The following CUL7 variants were observed in gnomAD, a reference collection of about 807,000 sequenced individuals.
CUL7 encodes the protein cullin 7.
Under a neutral mutation model 177.7 loss-of-function variants are expected in CUL7, and 96 were observed. The observed-to-expected ratio is 0.54, with a 90% CI of 0.46 to 0.64. CUL7 has a LOEUF of 0.64. CUL7 is among the 30% of genes least tolerant of loss of function. The probability of loss-of-function intolerance (pLI) is 0.00; values close to 1 mark genes in which losing one functional copy is unlikely to be tolerated. For missense variants in CUL7, 1,893 were observed against 2,187.9 expected (o/e 0.87, Z 2.69); for synonymous variants, 824 against 890.2 (o/e 0.93, Z 1.32).
At position 43,046,064 on chromosome 6, in the gene CUL7, C is replaced by T. The variant is rs886042208; in HGVS notation, c.2688G>A (p.Glu896=). ...IRQLTLLVAS[E]DSSYMPARVV... is the part of the protein sequence containing the mutation. Reference sequence around the variant, plus strand: ...CTCGGGCCGGCATGTAACTCGAGTCCTCACTAGCCACAAGCAGAGTCAGTT... The same window carrying T: ...CTCGGGCCGGCATGTAACTCGAGTCTTCACTAGCCACAAGCAGAGTCAGTT... The change falls in exon 13 of 26, where the codon GAG becomes GAA. Residue 896 remains glutamate (E), a synonymous_variant. Transcript: ENST00000265348. 1 of 1,614,108 alleles carries T rather than the reference C, an allele frequency of 6.2e-7. No individual in the cohort carries two copies. Among genetic ancestry groups the T allele is most frequent in the African/African-American group, 1.3e-5 (1 of 75,016 alleles).
Position 43,052,818 on chromosome 6 carries a change from G to A in CUL7, c.-8-22C>T. 6.3e-7 allele frequency: 1 copy of A among 1,597,080 alleles called. No individual in the cohort carries two copies. On this transcript the variant is annotated intron_variant, in intron 1 of 25. Transcript: ENST00000265348. The surrounding 1 kb of genome is among the most constrained non-coding windows in gnomAD (Gnocchi z 4.5). Reference sequence around the variant, plus strand: ...GCACCTGGAGCACACAAGGAAAAGAGAACAGACAAGCTAGAGGAAGGAGAG... The same window carrying A: ...GCACCTGGAGCACACAAGGAAAAGAAAACAGACAAGCTAGAGGAAGGAGAG...
chr6:43,053,825 C>G lies in CUL7; in HGVS notation c.-212G>C. On this transcript the variant is annotated 5_prime_UTR_variant, in exon 1 of 26. Transcript: ENST00000265348. This position sits in a 1 kb window ranked among gnomAD's most constrained non-coding sequence, Gnocchi z 4.1. ...GGGGCAGGGTGGGGCCCGGTCCCTGCCAGCGGCTCCGCCAGCCAAAAGCCA... is the reference window on the plus strand; with the variant it reads ...GGGGCAGGGTGGGGCCCGGTCCCTGGCAGCGGCTCCGCCAGCCAAAAGCCA... 3.9e-6 allele frequency: 6 copies of G among 1,532,956 alleles called. No homozygotes were observed. The highest frequency in any genetic ancestry group is 5.2e-6 in the Non-Finnish European group (6 of 1,146,314). The allele number at this position is 1,532,956 out of a possible 1,614,324, so 95.0% of individuals were successfully genotyped here.
At chr6:43,041,991 G>A (rs375886581) in intron 19 of CUL7, among the ~76,000 whole-genome samples, 4 of 126,818 alleles carry the variant, frequency 3.2e-5, no homozygotes, top group Non-Finnish European at 3.2e-5. Context: ...GCAACAGAGC[G>A]AGACTCCGTC....
chr6:43,040,668 G>A lies in CUL7; in HGVS notation c.3885C>T (p.Cys1295=), dbSNP rs1763332290. ...EGAVLEQIGP[C]FPNRLPQQML... ...TCTGCTGGGGGAGGCGGTTGGGGAA[G>A]CAGGGACCGATCTGCTCCAGCACGG... Residue 1295 remains cysteine (C), a synonymous_variant, in exon 21 of 26, where the codon TGC becomes TGT. Coordinates refer to ENST00000265348, the MANE Select transcript of CUL7 (RefSeq NM_014780.5). The surrounding 1 kb of genome is among the most constrained non-coding windows in gnomAD (Gnocchi z 4.2). The A allele has an allele frequency of 6.2e-7, 1 of 1,614,098 alleles. No homozygotes were observed. The highest frequency in any genetic ancestry group is 1.7e-5 in the Admixed American group (1 of 60,010).
intron 9 of CUL7, among the ~76,000 whole-genome samples, chr6:43,047,645 C>T (rs889918674): frequency 6.6e-6 from 1 of 152,220 alleles, no homozygotes; most frequent in East Asian, 1.9e-4. Flanking sequence ...CAGGACTTCT[C>T]TGTAGCTCTT....
Position 43,046,279 on chromosome 6 carries a change from A to T in CUL7, c.2617T>A (p.Ser873Thr), listed in dbSNP as rs1763895624. ...TYWESNGSAG[S>T]HYITLHMRRG... The stretch of plus-strand genomic sequence containing the variant: ...CGCATGTGCAGGGTGATGTAGTGGG[A>T]GCCGGCGCTGCCGTTGGACTCCCAA... The change falls in exon 12 of 26, where the codon TCC (serine) becomes ACC (threonine). Residue 873 changes from serine to threonine, a missense_variant. By Grantham distance (58) the Ser-to-Thr change is moderately conservative. Transcript: ENST00000265348. 5.0e-6 allele frequency: 8 copies of T among 1,614,160 alleles called. No homozygotes were observed. Among genetic ancestry groups the T allele is most frequent in the Non-Finnish European group, 6.8e-6 (8 of 1,180,034 alleles).
rs199900808 is a variant in CUL7 at position 43,045,215 on chromosome 6, A to G, written c.3038+12T>C. 4 of 1,612,638 alleles carry G rather than the reference A, an allele frequency of 2.5e-6. No individual in the cohort carries two copies. The East Asian group carries it at 8.9e-5, about 36-fold the overall frequency. ...CCCACAGACACAAGCATACACGCAC[A>G]CTCTCACACACCTAGAACTCAGGTG... On this transcript the variant is annotated intron_variant, in intron 15 of 25. Transcript: ENST00000265348. This position sits in a 1 kb window ranked among gnomAD's most constrained non-coding sequence, Gnocchi z 4.8.
In CUL7 at chr6:43,040,877, G is replaced by T. The variant is rs1037545378; in HGVS notation, c.3806+38C>A. 6.2e-7 allele frequency: 1 copy of T among 1,609,564 alleles called. No homozygotes were observed. Among genetic ancestry groups the T allele is most frequent in the Admixed American group, 1.7e-5 (1 of 59,516 alleles). On this transcript the variant is annotated intron_variant, in intron 20 of 25. Coordinates refer to ENST00000265348, the MANE Select transcript of CUL7 (RefSeq NM_014780.5). The surrounding 1 kb of genome is among the most constrained non-coding windows in gnomAD (Gnocchi z 4.2). ...GAGCTGGCTCTGCCACCATCATCCT[G>T]CCTCCCGCCAGCTCCCGCTCCTTAG...
Position 43,041,079 on chromosome 6 carries a change from A to G in CUL7, c.3646-4T>C. 1 of 1,613,640 alleles carries G rather than the reference A, an allele frequency of 6.2e-7. No homozygotes were observed. The highest frequency in any genetic ancestry group is 8.5e-7 in the Non-Finnish European group (1 of 1,179,864). On this transcript the variant is annotated splice_region_variant and splice_polypyrimidine_tract_variant and intron_variant, in intron 19 of 25. Transcript: ENST00000265348. ...GCCGGGCGAACTGCTCACTCACCTG[A>G]GCAATGGCAGAGCACAGGAAAGCCA... is the stretch of plus-strand genomic sequence containing the variant.
rs1764369734 is a variant in CUL7, at chr6:43,051,166, G to A, written c.1035C>T (p.Ala345=). The change falls in exon 4 of 26, where the codon GCC becomes GCT. Residue 345 remains alanine (A), a synonymous_variant. Coordinates refer to ENST00000265348, the MANE Select transcript of CUL7 (RefSeq NM_014780.5). The surrounding 1 kb of genome is among the most constrained non-coding windows in gnomAD (Gnocchi z 5.0). ...ACCTCCTGAAGGAGGGCTGAGCCTG[G>A]GCAGCGGGGAGCCCTGGGCTCACAT... ...LADVSPGLPA[A]QAQPSFRRSR... 6.2e-7 allele frequency: 1 copy of A among 1,614,178 alleles called. No homozygotes were observed. The highest frequency in any genetic ancestry group is 8.5e-7 in the Non-Finnish European group (1 of 1,180,042).
chr6:43,040,304 A>G lies in CUL7; in HGVS notation c.4146T>C (p.Tyr1382=), dbSNP rs760451045. ...CAGACACTTCTGGCATTGCCCCTTC[A>G]TAGTAGAGGTCCTCATTCTCCTCCT... ...EEEEENEDLY[Y]EGAMPEVSVL... is the part of the protein sequence containing the mutation. Residue 1382 remains tyrosine (Y), a synonymous_variant, in exon 22 of 26, where the codon TAT becomes TAC. Coordinates refer to ENST00000265348, the MANE Select transcript of CUL7 (RefSeq NM_014780.5). The surrounding 1 kb of genome is among the most constrained non-coding windows in gnomAD (Gnocchi z 4.2). The G allele has an allele frequency of 3.5e-5, 56 of 1,613,926 alleles. No individual in the cohort carries two copies. Among genetic ancestry groups the G allele is most frequent in the Non-Finnish European group, 4.7e-5 (56 of 1,180,016 alleles).
chr6:43,042,790 G>T lies in CUL7; in HGVS notation c.3645+12C>A, dbSNP rs1466424474. ...GAAGAGACCCAAGGATGAGGCAAGG[G>T]TAGAGGCTTACGTGGGCAGCTTTGA... On this transcript the variant is annotated intron_variant, in intron 19 of 25. Transcript: ENST00000265348. 2.5e-6 allele frequency: 4 copies of T among 1,596,332 alleles called. No homozygotes were observed. Among genetic ancestry groups the T allele is most frequent in the Non-Finnish European group, 3.4e-6 (4 of 1,165,188 alleles).
rs1178342927 is a variant in CUL7 at position 43,040,880 on chromosome 6, T to A, written c.3806+35A>T. 1.2e-6 allele frequency: 2 copies of A among 1,610,052 alleles called. No individual in the cohort carries two copies. Among genetic ancestry groups the A allele is most frequent in the African/African-American group, 1.3e-5 (1 of 74,802 alleles). On this transcript the variant is annotated intron_variant, in intron 20 of 25. Transcript: ENST00000265348. This position sits in a 1 kb window ranked among gnomAD's most constrained non-coding sequence, Gnocchi z 4.2. ...CTGGCTCTGCCACCATCATCCTGCC[T>A]CCCGCCAGCTCCCGCTCCTTAGGTC...
Position 43,046,257 on chromosome 6 carries a change from A to G in CUL7, c.2639T>C (p.Met880Thr), listed in dbSNP as rs930362828. 6.2e-7 allele frequency: 1 copy of G among 1,614,208 alleles called. No homozygotes were observed. The highest frequency in any genetic ancestry group is 8.5e-7 in the Non-Finnish European group (1 of 1,180,034). ...TTACCTGATGAGGATGCCCCGGCGC[A>G]TGTGCAGGGTGATGTAGTGGGAGCC... is the stretch of plus-strand genomic sequence containing the variant. ...SAGSHYITLHMRRGILIRQLT... is the reference protein window; with the variant it reads ...SAGSHYITLHTRRGILIRQLT... The change falls in exon 12 of 26, where the codon ATG becomes ACG. Residue 880 changes from methionine (M) to threonine (T), a missense_variant. Met to Thr is a moderately conservative substitution (Grantham distance 81). This residue lies in a region of CUL7 where 973 missense variants were observed against 1,140.9 expected (regional missense o/e 0.85). Transcript: ENST00000265348.
chr6:43,043,423 C>T lies in CUL7; in HGVS notation c.3355+25G>A. The T allele has an allele frequency of 6.2e-7, 1 of 1,612,000 alleles. No individual in the cohort carries two copies. The highest frequency in any genetic ancestry group is 8.5e-7 in the Non-Finnish European group (1 of 1,178,872). On this transcript the variant is annotated intron_variant, in intron 17 of 25. Transcript: ENST00000265348. This position sits in a 1 kb window ranked among gnomAD's most constrained non-coding sequence, Gnocchi z 4.2. ...CAGGAAAACGCTCCTGACTAGAGCT[C>T]CCCACCTGAATCTCCACTACTCACT...
chr6:43,043,097 A>G lies in CUL7; in HGVS notation c.3439T>C (p.Trp1147Arg), dbSNP rs532522130. The G allele has an allele frequency of 4.3e-6, 7 of 1,614,014 alleles. No individual in the cohort carries two copies. Among genetic ancestry groups the G allele is most frequent in the South Asian group, 3.3e-5 (3 of 91,088 alleles). ...ACCTGCTTCTCCACCACGGCCCGCC[A>G]ACAGCGCGTCAGGTTTCTCATGATG... is the stretch of plus-strand genomic sequence containing the variant. Reference protein sequence around the residue: ...SSIMRNLTRCWRAVVEKQVNN... With the variant: ...SSIMRNLTRCRRAVVEKQVNN... Residue 1147 changes from tryptophan to arginine, a missense_variant, in exon 18 of 26, where the codon TGG (tryptophan) becomes CGG (arginine). By Grantham distance (101) the Trp-to-Arg change is moderately radical (BLOSUM62 -3). This residue lies in a region of CUL7 where 973 missense variants were observed against 1,140.9 expected (regional missense o/e 0.85). Transcript: ENST00000265348. This position sits in a 1 kb window ranked among gnomAD's most constrained non-coding sequence, Gnocchi z 4.2.
Position 43,045,211 on chromosome 6 carries a change from G to A in CUL7, c.3038+16C>T, listed in dbSNP as rs183993737. The A allele has an allele frequency of 4.0e-5, 65 of 1,611,784 alleles. No homozygotes were observed. In the Admixed American group the frequency reaches 7.7e-4, roughly 19 times the overall value. ...CTTTCCCACAGACACAAGCATACAC[G>A]CACACTCTCACACACCTAGAACTCA... On this transcript the variant is annotated intron_variant, in intron 15 of 25. Transcript: ENST00000265348. The surrounding 1 kb of genome is among the most constrained non-coding windows in gnomAD (Gnocchi z 4.8).
Position 43,037,825 on chromosome 6 carries a change from C to A in CUL7, c.4960G>T (p.Glu1654Ter). ...LSYAVPVTVM[E>*]PHTESLNPGS... ...GGGTTCAGGGACTCAGTGTGAGGCT[C>A]CATGACAGTCACAGGGACTGCATAG... is the stretch of plus-strand genomic sequence containing the variant. The change falls in exon 26 of 26, where the codon GAG (glutamate) becomes TAG (stop). Residue 1654 changes from glutamate to a stop codon, truncating the protein, a stop_gained. Coordinates refer to ENST00000265348, the MANE Select transcript of CUL7 (RefSeq NM_014780.5). LOFTEE classifies it high-confidence loss of function. 6.2e-7 allele frequency: 1 copy of A among 1,611,718 alleles called. No homozygotes were observed. The highest frequency in any genetic ancestry group is 8.5e-7 in the Non-Finnish European group (1 of 1,179,014).
In CUL7 at chr6:43,052,717, C is replaced by G. The variant is rs1209768597; in HGVS notation, c.72G>C (p.Glu24Asp). ...CATGGCCCACGCGCTGGCGGATCAG[C>G]TCATCAGGATAGGCATGTAAGCCGG... ...LGPGLHAYPD[E>D]LIRQRVGHDG... Residue 24 changes from glutamate (E) to aspartate (D), a missense_variant, in exon 2 of 26, where the codon GAG (glutamate) becomes GAC (aspartate). Transcript: ENST00000265348. The surrounding 1 kb of genome is among the most constrained non-coding windows in gnomAD (Gnocchi z 4.5). The G allele has an allele frequency of 6.2e-7, 1 of 1,612,992 alleles. No homozygotes were observed. The highest frequency in any genetic ancestry group is 8.5e-7 in the Non-Finnish European group (1 of 1,180,046).
Sources: gnomAD v4.1 joint callset for allele counts (sites outside exome capture counted in the v4.1 genomes callset) on GRCh38, gnomAD v4.1.1 for gene constraint, gnomAD v4.1.1 regional missense constraint, Gnocchi (gnomAD v3.1) non-coding constraint, MANE v1.5 for transcripts, NCBI Gene and HGNC (gene_info 2026-07-23, HGNC 2026-07-21) for gene names.